GRID2: variants seen among roughly 807,000 people sequenced by gnomAD.
The protein encoded by GRID2 is glutamate receptor ionotropic, delta-2.
In GRID2, 33 loss-of-function variants were observed where a neutral mutation model predicts 114.8. The observed-to-expected ratio is 0.29, with a 90% CI of 0.22 to 0.38. GRID2 has a LOEUF of 0.38. Among genes scored for constraint, GRID2 ranks in the 10% least tolerant of loss-of-function variants. GRID2 has a pLI of 1.00. For missense variants in GRID2, 1,184 were observed against 1,257.7 expected, an observed-to-expected ratio of 0.94 and a Z score of 0.89; for synonymous variants, 505 against 449.9, an observed-to-expected ratio of 1.12 and a Z score of -1.55.
chr4:93,345,981 TTCTTCTGA>T, intron 8 of GRID2, among the ~76,000 whole-genome samples: 1 of 152,116 alleles, frequency 6.6e-6, no homozygotes, highest in Non-Finnish European at 1.5e-5. Context: ...TCTAGGCTAT[TTCTTCTGA>T]CCCCTTAGTC....
At chr4:92,895,384 CAT>C (rs10528035) in intron 2 of GRID2, among the ~76,000 whole-genome samples, 93 of 107,952 alleles carry the variant, frequency 8.6e-4, no homozygotes, top group African/African-American at 9.9e-4. Flanking sequence ...ATGTAGAAAA[CAT>C]ATATATATAT....
At chr4:93,337,638 GC>G (rs1759222683) in intron 8 of GRID2, among the ~76,000 whole-genome samples, 1 of 152,042 alleles carries the variant, frequency 6.6e-6, no homozygotes, top group Non-Finnish European at 1.5e-5. Flanking sequence ...CTCTATATAA[GC>G]ATCCTTGAAA....
chr4:93,029,191 C>A (rs1342544007), intron 2 of GRID2, among the ~76,000 whole-genome samples: 2 of 151,776 alleles, frequency 1.3e-5, no homozygotes, highest in Non-Finnish European at 2.9e-5. Context: ...TAAGAAATGG[C>A]AAATAGAAAT....
chr4:92,359,112 A>C (rs933270453), intron 1 of GRID2, among the ~76,000 whole-genome samples: 4 of 151,918 alleles, frequency 2.6e-5, no homozygotes, highest in Admixed American at 6.6e-5. Flanking sequence ...GCCTTAACTA[A>C]CTACCAAATT....
At chr4:93,790,552 T>TA (rs1734675576) in intron 1 of GRID2, among the ~76,000 whole-genome samples, 1 of 150,344 alleles carries the variant, frequency 6.7e-6, no homozygotes, top group Admixed American at 6.6e-5. Flanking sequence ...TAACTATAAT[T>TA]TTTTTTTTTT....
At chr4:93,669,080 G>A (rs1391772873) in intron 14 of GRID2, among the ~76,000 whole-genome samples, 1 of 152,024 alleles carries the variant, frequency 6.6e-6, no homozygotes, top group Non-Finnish European at 1.5e-5. Flanking sequence ...TTTGTAATAA[G>A]AGACTGCATT....
intron 13 of GRID2, among the ~76,000 whole-genome samples, chr4:93,592,497 T>C (rs1738483359): frequency 1.3e-5 from 2 of 152,198 alleles, no homozygotes; most frequent in African/African-American, 2.4e-5. Context: ...AATTTTGGAA[T>C]AGGTGTGGTG....
chr4:92,743,408 T>C (rs1736993692), intron 2 of GRID2, among the ~76,000 whole-genome samples: 1 of 152,232 alleles, frequency 6.6e-6, no homozygotes, highest in Non-Finnish European at 1.5e-5. Flanking sequence ...TTCTGATTTG[T>C]AGAAACTCTC....
chr4:93,751,877 C>T (rs1732348797), intron 14 of GRID2, among the ~76,000 whole-genome samples: 1 of 152,138 alleles, frequency 6.6e-6, no homozygotes, highest in African/African-American at 2.4e-5. Flanking sequence ...TTTTCCTAGG[C>T]TTTCCACAAC....
chr4:92,569,372 T>C (rs996000266), intron 1 of GRID2, among the ~76,000 whole-genome samples: 36 of 152,252 alleles, frequency 2.4e-4, no homozygotes, highest in Middle Eastern at 3.4e-3. Context: ...CTGTCTAACA[T>C]TGATGAATGT....
chr4:93,671,178 C>T (rs1376732015), intron 14 of GRID2, among the ~76,000 whole-genome samples: 1 of 152,280 alleles, frequency 6.6e-6, no homozygotes, highest in East Asian at 1.9e-4. Context: ...CGTCATGTTT[C>T]GCTGTGGCAG....
chr4:93,024,365 C>T (rs1723682576), intron 2 of GRID2, among the ~76,000 whole-genome samples: 1 of 151,574 alleles, frequency 6.6e-6, no homozygotes, highest in Non-Finnish European at 1.5e-5. Flanking sequence ...GCTTATGGGG[C>T]ATAAATTACA....
At chr4:92,908,543 C>G (rs1578439479) in intron 2 of GRID2, among the ~76,000 whole-genome samples, 2 of 114,950 alleles carry the variant, frequency 1.7e-5, no homozygotes, top group African/African-American at 6.9e-5. Flanking sequence ...GTCCGGACGA[C>G]AGAGCAAGAC....
chr4:92,715,657 G>A (rs535359333), intron 2 of GRID2, among the ~76,000 whole-genome samples: 52 of 152,264 alleles, frequency 3.4e-4, no homozygotes, highest in Admixed American at 8.5e-4. Context: ...TGAAGAGAGC[G>A]AGTGCAGGGA....
Position 93,395,709 on chromosome 4 carries a change from G to GT in GRID2, c.1347+2dup. 7.3e-7 allele frequency: 1 copy of GT among 1,373,734 alleles called. No individual in the cohort carries two copies. The allele number at this position is 1,373,734 out of a possible 1,614,324, so 85.1% of individuals were successfully genotyped here. A position where few individuals can be genotyped will look rare whatever the true frequency, so the allele number is the denominator to read the frequency against. On this transcript the variant is annotated splice_donor_variant, in intron 9 of 15. Transcript: ENST00000282020. LOFTEE classifies it high-confidence loss of function. The stretch of plus-strand genomic sequence containing the variant: ...GGTTCTACGTGTAGTAACTGTTCTG[G>GT]TAAGTATTATCTGAGCCTCGTGGTT...
intron 14 of GRID2, among the ~76,000 whole-genome samples, chr4:93,727,000 T>C (rs1173820445): frequency 6.6e-6 from 1 of 152,196 alleles, no homozygotes; most frequent in Non-Finnish European, 1.5e-5. Flanking sequence ...CTGATTGCCC[T>C]GGCCAGAACT....
intron 2 of GRID2, among the ~76,000 whole-genome samples, chr4:93,049,118 A>T (rs772077465): frequency 1.5e-4 from 23 of 152,020 alleles, no homozygotes; most frequent in Non-Finnish European, 2.9e-4. Flanking sequence ...AAATAATGGG[A>T]ATTAAGGGCT....
At position 93,547,713 on chromosome 4, in the gene GRID2, G is replaced by A. The variant is rs538739145; in HGVS notation, c.2193+32302G>A. Among the ~76,000 whole-genome samples, 4 of 152,274 alleles carry A rather than the reference G, an allele frequency of 2.6e-5. No homozygotes were observed. The South Asian group carries it at 8.3e-4, about 32-fold the overall frequency. ...TTTCTCAGACTCTTACATCCAGAAA[G>A]TGGTAGATCTGAGATTCAAACCCAT... On this transcript the variant is annotated intron_variant, in intron 13 of 15. Coordinates refer to ENST00000282020, the MANE Select transcript of GRID2 (RefSeq NM_001510.4).
intron 4 of GRID2, among the ~76,000 whole-genome samples, chr4:93,144,473 G>A (rs1296240992): frequency 3.3e-5 from 5 of 152,164 alleles, no homozygotes; most frequent in Admixed American, 6.5e-5. Flanking sequence ...AATAACTGCA[G>A]TCCATAAGGG....
Sources: allele counts gnomAD v4.1 joint callset (sites outside exome capture counted in the v4.1 genomes callset), GRCh38; gene constraint gnomAD v4.1.1; transcripts MANE v1.5; gene names NCBI Gene and HGNC (gene_info 2026-07-23, HGNC 2026-07-21).